SRFBP1: variants seen among roughly 807,000 people sequenced by gnomAD.
The protein encoded by SRFBP1 is serum response factor binding protein 1.
Under a neutral mutation model 45.5 loss-of-function variants are expected in SRFBP1, and 47 were observed. The ratio of observed to expected loss-of-function variants is 1.03; its 90% CI spans 0.82 to 1.32. The LOEUF is 1.32. Ranked by LOEUF, SRFBP1 falls within the 40% of genes most tolerant of loss-of-function variation. The pLI is 0.00. For missense variants in SRFBP1, 621 were observed against 484.6 expected, an observed-to-expected ratio of 1.28 and a Z score of -2.64; for synonymous variants, 203 against 166.3, an observed-to-expected ratio of 1.22 and a Z score of -1.70.
At chr5:122,032,933 T>A (rs554617012), downstream of SRFBP1, among the ~76,000 whole-genome samples, 5 of 152,252 alleles carry the variant, frequency 3.3e-5, no homozygotes, top group African/African-American at 1.2e-4. Context: ...TTTGTTTTTT[T>A]TATTTGTTTT....
At position 122,020,147 on chromosome 5, in the gene SRFBP1, A is replaced by T; in HGVS notation, c.412A>T (p.Asn138Tyr). The T allele has an allele frequency of 6.3e-7, 1 of 1,594,988 alleles. No homozygotes were observed. ...TGTTGCTGAAGTTGAGTCATCAAAGAATGCTTCAGAGGACAATCATTCTGA... is the reference window on the plus strand; with the variant it reads ...TGTTGCTGAAGTTGAGTCATCAAAGTATGCTTCAGAGGACAATCATTCTGA... ...QNVAEVESSK[N>Y]ASEDNHSENT... Residue 138 changes from asparagine to tyrosine, a missense_variant, in exon 6 of 8, where the codon AAT (asparagine) becomes TAT (tyrosine). Transcript: ENST00000339397.
At position 121,962,004 on chromosome 5, in the gene SRFBP1, C is replaced by T. The variant is rs746440034; in HGVS notation, c.-29C>T. On this transcript the variant is annotated 5_prime_UTR_variant, in exon 1 of 8. Coordinates refer to ENST00000339397, the MANE Select transcript of SRFBP1 (RefSeq NM_152546.3). ...TCTGAGAGACCGGTTCACGTGCAGGCAGCGGCGGATCATATTCCTTCATCT... is the reference window on the plus strand; with the variant it reads ...TCTGAGAGACCGGTTCACGTGCAGGTAGCGGCGGATCATATTCCTTCATCT... 3 of 1,613,444 alleles carry T rather than the reference C, an allele frequency of 1.9e-6. No individual in the cohort carries two copies. The Admixed American group carries it at 5.0e-5, about 27-fold the overall frequency.
chr5:122,019,226 T>G (rs774247140), intron 4 of SRFBP1, 34 bp from the exon 5 acceptor site: 11 of 1,544,284 alleles, frequency 7.1e-6, no homozygotes, highest in Non-Finnish European at 9.8e-6. Context: ...TTTTATTTCA[T>G]TCCCATACGT....
At chr5:122,035,897 C>T (rs1340185418) in intron 2 of SRFBP1, among the ~76,000 whole-genome samples, 1 of 152,206 alleles carries the variant, frequency 6.6e-6, no homozygotes, top group African/African-American at 2.4e-5. Context: ...TTTATTTGCA[C>T]TGAGCAAGCT....
intron 2 of SRFBP1, among the ~76,000 whole-genome samples, chr5:122,050,176 G>A (rs1015144248): frequency 6.6e-6 from 1 of 152,098 alleles, no homozygotes; most frequent in African/African-American, 2.4e-5. Flanking sequence ...TTCCATCTAT[G>A]TTCATCAAGG....
At chr5:122,043,642 G>A (rs1387656721) in intron 2 of SRFBP1, among the ~76,000 whole-genome samples, 3 of 152,108 alleles carry the variant, frequency 2.0e-5, no homozygotes, top group African/African-American at 4.8e-5. Flanking sequence ...TTTCTTAACA[G>A]AGGCTCTCTT....
rs1442329955 is a variant in SRFBP1, at chr5:121,974,298, A to C, written c.125+14A>C. 2 of 1,579,044 alleles carry C rather than the reference A, an allele frequency of 1.3e-6. No individual in the cohort carries two copies. The highest frequency in any genetic ancestry group is 1.7e-6 in the Non-Finnish European group (2 of 1,149,528). On this transcript the variant is annotated intron_variant, in intron 2 of 7. Transcript: ENST00000339397. Reference sequence around the variant, plus strand: ...GAAGTCAAAAAAGTTAGTCATTTAAAGTAATGATCTTGTGACTAATAAAAT... The same window carrying C: ...GAAGTCAAAAAAGTTAGTCATTTAACGTAATGATCTTGTGACTAATAAAAT...
At chr5:122,049,530 T>C (rs557470738) in intron 2 of SRFBP1, among the ~76,000 whole-genome samples, 6 of 151,882 alleles carry the variant, frequency 4.0e-5, no homozygotes, top group Non-Finnish European at 5.9e-5. Flanking sequence ...GCAGACCTAA[T>C]AGACATCTAC....
At chr5:121,993,425 A>G (rs1022930787) in intron 3 of SRFBP1, among the ~76,000 whole-genome samples, 1 of 152,132 alleles carries the variant, frequency 6.6e-6, no homozygotes, top group African/African-American at 2.4e-5. Flanking sequence ...ATGAAATATA[A>G]ATTGATTTTG....
intron 4 of SRFBP1, among the ~76,000 whole-genome samples, chr5:122,007,839 G>A (rs988619701): frequency 6.6e-6 from 1 of 152,162 alleles, no homozygotes; most frequent in African/African-American, 2.4e-5. Flanking sequence ...GTGCCAACCT[G>A]GTCATGGAGC....
At chr5:122,075,620 A>T, downstream of SRFBP1, 1 of 924,998 alleles carries the variant, frequency 1.1e-6, no homozygotes, top group Non-Finnish European at 1.6e-6. Context: ...AACATCCATT[A>T]TATAGTAGTG....
At chr5:122,076,805 G>T, downstream of SRFBP1, 1 of 1,145,196 alleles carries the variant, frequency 8.7e-7, no homozygotes. Context: ...ACACTTGTCT[G>T]CGCGAAGCAG....
chr5:122,002,884 T>C (rs767535489), intron 4 of SRFBP1, among the ~76,000 whole-genome samples: 6 of 152,198 alleles, frequency 3.9e-5, no homozygotes, highest in Non-Finnish European at 7.3e-5. Flanking sequence ...ACTCTGATGC[T>C]ACATTTATGT....
downstream of SRFBP1, chr5:122,076,111 C>G (rs938732959): frequency 6.6e-6 from 1 of 152,154 alleles, no homozygotes. Context: ...GTGAGTGATG[C>G]AAGACTCAGG....
At chr5:122,006,810 A>G (rs1031872721) in intron 4 of SRFBP1, among the ~76,000 whole-genome samples, 10 of 151,352 alleles carry the variant, frequency 6.6e-5, no homozygotes, top group African/African-American at 2.5e-4. Flanking sequence ...TATATTATTA[A>G]TTTGTTTCTG....
intron 4 of SRFBP1, among the ~76,000 whole-genome samples, chr5:122,014,382 C>T (rs1198802354): frequency 3.9e-5 from 6 of 152,200 alleles, no homozygotes; most frequent in Admixed American, 3.9e-4. Context: ...CTCACTGCTG[C>T]TACATATGGC....
intron 7 of SRFBP1, 117 bp downstream of exon 7, chr5:122,022,524 A>G (rs1753382913): frequency 3.9e-6 from 3 of 768,196 alleles, no homozygotes; most frequent in African/African-American, 3.6e-5. Context: ...ACCCACAGAA[A>G]TGTTAACAGA....
chr5:122,058,053 A>G (rs1442325694), intron 2 of SRFBP1, among the ~76,000 whole-genome samples: 1 of 152,124 alleles, frequency 6.6e-6, no homozygotes, highest in African/African-American at 2.4e-5. Context: ...AAGGTTCTTG[A>G]TATATATTGT....
downstream of SRFBP1, among the ~76,000 whole-genome samples, chr5:122,029,070 A>AT (rs1314448272): frequency 6.6e-6 from 1 of 151,028 alleles, no homozygotes; most frequent in Non-Finnish European, 1.5e-5. Flanking sequence ...ACTTGGAGTG[A>AT]TTTTCCCCCC....
Sources: allele counts gnomAD v4.1 joint callset (sites outside exome capture counted in the v4.1 genomes callset), GRCh38; gene constraint gnomAD v4.1.1; transcripts MANE v1.5; gene names NCBI Gene and HGNC (gene_info 2026-07-23, HGNC 2026-07-21).